REDIC1: variants seen among roughly 807,000 people sequenced by gnomAD.
The protein encoded by REDIC1 is regulator of DNA class I crossover intermediates 1.
At chr12:39,768,399 T>G in the REDIC1 span, among the ~76,000 whole-genome samples, 1 of 152,128 alleles carries the variant, frequency 6.6e-6, no homozygotes, top group Non-Finnish European at 1.5e-5. Context: ...TCTTTTGTAG[T>G]CACAATTTGG....
the REDIC1 span, among the ~76,000 whole-genome samples, chr12:39,824,032 C>A: frequency 2.6e-5 from 4 of 152,032 alleles, no homozygotes; most frequent in African/African-American, 7.2e-5. Context: ...TAATTTTAAA[C>A]CCTTATATAT....
the REDIC1 span, among the ~76,000 whole-genome samples, chr12:39,702,091 G>C: frequency 1.3e-5 from 2 of 152,028 alleles, no homozygotes; most frequent in Non-Finnish European, 2.9e-5. Context: ...ACTAAAATCA[G>C]AGCAGAACTG....
the REDIC1 span, among the ~76,000 whole-genome samples, chr12:39,669,798 G>A: frequency 6.6e-6 from 1 of 152,230 alleles, no homozygotes; most frequent in Non-Finnish European, 1.5e-5. Flanking sequence ...TTTGTTCTCA[G>A]ACTGCTGTGC....
chr12:39,871,639 CT>C, the REDIC1 span, among the ~76,000 whole-genome samples: 2,249 of 148,346 alleles, frequency 0.015, 62 homozygotes, highest in African/African-American at 0.049. Context: ...GTTAAAAGCT[CT>C]TTTTTTTTTC....
the REDIC1 span, chr12:39,691,925 A>G: frequency 1.2e-6 from 1 of 825,090 alleles, no homozygotes; most frequent in Non-Finnish European, 1.7e-6. Context: ...AAAATAAACC[A>G]TGTTGAACTG....
chr12:39,893,489 G>A, the REDIC1 span, among the ~76,000 whole-genome samples: 1 of 152,110 alleles, frequency 6.6e-6, no homozygotes, highest in Admixed American at 6.5e-5. Context: ...TAGTAGAGAC[G>A]AGGTTTCACC....
At chr12:39,843,300 T>C in the REDIC1 span, among the ~76,000 whole-genome samples, 1 of 152,046 alleles carries the variant, frequency 6.6e-6, no homozygotes, top group Non-Finnish European at 1.5e-5. Flanking sequence ...AAATTGTTAA[T>C]TGAAGAATTT....
chr12:39,712,009 C>A, the REDIC1 span, among the ~76,000 whole-genome samples: 2 of 143,226 alleles, frequency 1.4e-5, no homozygotes, highest in South Asian at 2.2e-4. Flanking sequence ...TGTATATATA[C>A]CTACCTGTAT....
At chr12:39,636,025 A>G in the REDIC1 span, among the ~76,000 whole-genome samples, 1 of 152,168 alleles carries the variant, frequency 6.6e-6, no homozygotes, top group African/African-American at 2.4e-5. Context: ...TAGAGATAGT[A>G]CTAATGGAAC....
At chr12:39,786,545 T>C in the REDIC1 span, among the ~76,000 whole-genome samples, 37 of 152,152 alleles carry the variant, frequency 2.4e-4, no homozygotes, top group Non-Finnish European at 3.7e-4. Context: ...GGTTTCAAGG[T>C]ATCTGGAGTG....
chr12:39,805,425 G>T, the REDIC1 span, among the ~76,000 whole-genome samples: 1 of 152,048 alleles, frequency 6.6e-6, no homozygotes, highest in African/African-American at 2.4e-5. Context: ...GTGGGAATCT[G>T]GGTACATCGT....
chr12:39,821,966 T>A, the REDIC1 span, among the ~76,000 whole-genome samples: 1 of 152,094 alleles, frequency 6.6e-6, no homozygotes, highest in African/African-American at 2.4e-5. Flanking sequence ...ATGTGCACAA[T>A]GTGCAGGTTA....
the REDIC1 span, among the ~76,000 whole-genome samples, chr12:39,811,542 C>T: frequency 6.6e-6 from 1 of 151,928 alleles, no homozygotes; most frequent in African/African-American, 2.4e-5. Flanking sequence ...TTTCTAATTA[C>T]CTTGTGATGT....
At chr12:39,853,168 C>T in the REDIC1 span, among the ~76,000 whole-genome samples, 4 of 152,234 alleles carry the variant, frequency 2.6e-5, no homozygotes, top group South Asian at 4.1e-4. Flanking sequence ...TGCCTAGTTA[C>T]GCTCACAAAG....
chr12:39,758,023 A>AGAT, the REDIC1 span: 2 of 151,822 alleles, frequency 1.3e-5, no homozygotes, highest in Non-Finnish European at 3.0e-5. Context: ...GTAAAATATT[A>AGAT]GATAAGAAAT....
chr12:39,641,134 T>C, the REDIC1 span: 2 of 619,070 alleles, frequency 3.2e-6, no homozygotes, highest in Non-Finnish European at 5.5e-6. Context: ...GATAGCTTGA[T>C]TAGCCACGTA....
the REDIC1 span, among the ~76,000 whole-genome samples, chr12:39,679,685 G>GAAAAAA: frequency 6.6e-6 from 1 of 151,952 alleles, no homozygotes; most frequent in African/African-American, 2.4e-5. Flanking sequence ...CAGAGCCAAA[G>GAAAAAA]GAAGACTAAG....
the REDIC1 span, among the ~76,000 whole-genome samples, chr12:39,632,454 A>G: frequency 8.7e-4 from 132 of 152,296 alleles, no homozygotes; most frequent in Admixed American, 3.7e-3. Context: ...GAGATTGACA[A>G]CGTAGTAAAA....
chr12:39,633,911 AG>A, the REDIC1 span, among the ~76,000 whole-genome samples: 1 of 152,154 alleles, frequency 6.6e-6, no homozygotes, highest in Non-Finnish European at 1.5e-5. Flanking sequence ...TATATTAAAA[AG>A]TTTGTTTTTT....
Sources: allele counts gnomAD v4.1 joint callset (sites outside exome capture counted in the v4.1 genomes callset), GRCh38; gene constraint gnomAD v4.1.1; transcripts MANE v1.5; gene names NCBI Gene and HGNC (gene_info 2026-07-23, HGNC 2026-07-21).